Variants in PIK3C2G observed in about 807,000 individuals in gnomAD.
PIK3C2G encodes phosphatidylinositol 3-kinase C2 domain-containing subunit gamma.
PIK3C2G carries 168 observed loss-of-function variants against 181.1 expected under a neutral mutation model. The ratio of observed to expected loss-of-function variants is 0.93; its 90% CI spans 0.82 to 1.05. PIK3C2G has a LOEUF of 1.05. Ranked by LOEUF, PIK3C2G falls within the 50% of genes least tolerant of loss-of-function variation. PIK3C2G has a pLI of 0.00. For missense variants in PIK3C2G, 1,869 were observed against 1,732.8 expected (o/e 1.08, Z -1.40); for synonymous variants, 573 against 592.2 (o/e 0.97, Z 0.47).
At chr12:18,573,307 C>T (rs1465034402) in intron 29 of PIK3C2G, among the ~76,000 whole-genome samples, 2 of 152,136 alleles carry the variant, frequency 1.3e-5, no homozygotes, top group Admixed American at 6.5e-5. Flanking sequence ...TTTGTGAGGG[C>T]CTCTTTCTGG....
At chr12:18,304,205 A>G (rs781265746) in intron 5 of PIK3C2G, among the ~76,000 whole-genome samples, 1 of 152,162 alleles carries the variant, frequency 6.6e-6, no homozygotes, top group Non-Finnish European at 1.5e-5. Context: ...CCTTTTCAAA[A>G]AACTTCTATA....
intron 14 of PIK3C2G, among the ~76,000 whole-genome samples, chr12:18,388,055 C>T (rs1943288750): frequency 6.6e-6 from 1 of 152,130 alleles, no homozygotes; most frequent in Non-Finnish European, 1.5e-5. Context: ...AAGCACCAGT[C>T]TTATCATTGA....
At chr12:18,251,994 T>A (rs1413047552) in intron 1 of PIK3C2G, among the ~76,000 whole-genome samples, 2 of 152,134 alleles carry the variant, frequency 1.3e-5, no homozygotes, top group Non-Finnish European at 2.9e-5. Context: ...ATACTTAAAT[T>A]AGTTTTTTCC....
At chr12:18,620,039 A>G (rs1948779496) in intron 31 of PIK3C2G, among the ~76,000 whole-genome samples, 1 of 152,078 alleles carries the variant, frequency 6.6e-6, no homozygotes, top group East Asian at 1.9e-4. Flanking sequence ...ATTTTTTAAA[A>G]TATATTGAAA....
intron 18 of PIK3C2G, among the ~76,000 whole-genome samples, chr12:18,476,882 A>G (rs947056157): frequency 1.1e-4 from 16 of 152,088 alleles, no homozygotes; most frequent in Admixed American, 9.2e-4. Flanking sequence ...AAAAAAAAAA[A>G]GAGTTCTAAG....
chr12:18,622,672 G>A (rs12814902), intron 31 of PIK3C2G, among the ~76,000 whole-genome samples: 45,359 of 151,604 alleles, frequency 0.3, 6,896 homozygotes, highest in Non-Finnish European at 0.33. Context: ...CATTCCCACT[G>A]ACAGTGACAA....
At chr12:18,590,214 G>A (rs1947006461) in intron 29 of PIK3C2G, among the ~76,000 whole-genome samples, 1 of 150,752 alleles carries the variant, frequency 6.6e-6, no homozygotes, top group African/African-American at 2.4e-5. Flanking sequence ...AGGTATTTCA[G>A]GACACTTAGG....
At chr12:18,448,692 T>C (rs550520089) in intron 18 of PIK3C2G, among the ~76,000 whole-genome samples, 5 of 152,114 alleles carry the variant, frequency 3.3e-5, no homozygotes, top group Non-Finnish European at 7.4e-5. Context: ...ATCCATGTTG[T>C]AGAAAATGGC....
chr12:18,569,455 C>G (rs1180892915), intron 29 of PIK3C2G, among the ~76,000 whole-genome samples: 1 of 152,032 alleles, frequency 6.6e-6, no homozygotes, highest in African/African-American at 2.4e-5. Flanking sequence ...AGCCCATTTC[C>G]AAGGTTCATG....
At chr12:18,706,243 TAA>T in the PIK3C2G span, among the ~76,000 whole-genome samples, 1 of 120,736 alleles carries the variant, frequency 8.3e-6, no homozygotes, top group Non-Finnish European at 1.8e-5. Flanking sequence ...AAAATAAAAA[TAA>T]AAAAAAAAAA....
At chr12:18,286,543 G>A (rs1041457120) in intron 2 of PIK3C2G, among the ~76,000 whole-genome samples, 1 of 151,952 alleles carries the variant, frequency 6.6e-6, no homozygotes, top group African/African-American at 2.4e-5. Context: ...CTAAATAACA[G>A]TAGTTACCAA....
chr12:18,258,746 A>C (rs575296471), upstream of PIK3C2G, among the ~76,000 whole-genome samples: 24 of 152,040 alleles, frequency 1.6e-4, no homozygotes, highest in African/African-American at 5.8e-4. Flanking sequence ...TGATTGGTTC[A>C]AGTTTAGTAC....
chr12:18,610,728 A>G (rs1948288222), intron 31 of PIK3C2G, among the ~76,000 whole-genome samples: 1 of 152,114 alleles, frequency 6.6e-6, no homozygotes, highest in Non-Finnish European at 1.5e-5. Flanking sequence ...TCAGTTAGAC[A>G]TTATTTATGG....
At chr12:18,702,818 C>CTTTT in the PIK3C2G span, among the ~76,000 whole-genome samples, 1,336 of 116,572 alleles carry the variant, frequency 0.011, 80 homozygotes, top group African/African-American at 0.042. Flanking sequence ...GATAAAGTAA[C>CTTTT]TTTTTTTTTT....
At chr12:18,447,450 G>A (rs1438697233) in intron 18 of PIK3C2G, among the ~76,000 whole-genome samples, 1 of 152,144 alleles carries the variant, frequency 6.6e-6, no homozygotes, top group Non-Finnish European at 1.5e-5. Context: ...CAAATTTGCA[G>A]CCTTTCTTGT....
At chr12:18,721,513 T>A in the PIK3C2G span, among the ~76,000 whole-genome samples, 6 of 152,012 alleles carry the variant, frequency 3.9e-5, no homozygotes, top group East Asian at 3.9e-4. Flanking sequence ...TGTCACTGCC[T>A]CCATCCCAAC....
chr12:18,650,566 C>A (rs1334198006), downstream of PIK3C2G, among the ~76,000 whole-genome samples: 1 of 148,558 alleles, frequency 6.7e-6, no homozygotes, highest in Admixed American at 6.7e-5. Flanking sequence ...AAAGTCTATA[C>A]ATTTATTTAC....
intron 15 of PIK3C2G, among the ~76,000 whole-genome samples, chr12:18,399,314 T>C (rs1455857367): frequency 6.6e-6 from 1 of 151,372 alleles, no homozygotes; most frequent in Non-Finnish European, 1.5e-5. Flanking sequence ...ATAGGATGTG[T>C]CGCAGGATTC....
chr12:18,630,100 G>A lies in PIK3C2G; in HGVS notation c.4183-10329G>A, dbSNP rs11612200. Among the ~76,000 whole-genome samples, 702 of 152,176 alleles carry A rather than the reference G, an allele frequency of 4.6e-3. 4 individuals are homozygous for A. Among genetic ancestry groups the A allele is most frequent in the Non-Finnish European group, 8.0e-3 (541 of 68,012 alleles). On this transcript the variant is annotated intron_variant, in intron 31 of 32. Transcript: ENST00000538779. ...AAGGAACATTATGAAGGGAAGGCAT[G>A]ACTATGAAAGTAAAGAATAAGATGA...
Sources: gnomAD v4.1 joint callset for allele counts (sites outside exome capture counted in the v4.1 genomes callset) on GRCh38, gnomAD v4.1.1 for gene constraint, MANE v1.5 for transcripts, NCBI Gene and HGNC (gene_info 2026-07-23, HGNC 2026-07-21) for gene names.